P2RX5: variants seen among roughly 807,000 people sequenced by gnomAD.
The protein encoded by P2RX5 is P2X purinoceptor 5.
A neutral mutation model predicts 54.1 loss-of-function variants in P2RX5; 46 were observed. The ratio of observed to expected loss-of-function variants is 0.85; its 90% confidence interval spans 0.67 to 1.09. P2RX5 has a LOEUF of 1.09. P2RX5 is among the 50% of genes least tolerant of loss of function. P2RX5 has a pLI of 0.00. For synonymous variants in P2RX5, 226 were observed against 226.4 expected (o/e 1.00, Z 0.02); for missense variants, 566 against 549.8 (o/e 1.03, Z -0.29).
rs576398257 is a variant in P2RX5, at chr17:3,696,049, G to A, written c.-44C>T. On this transcript the variant is annotated 5_prime_UTR_variant, in exon 1 of 12. Transcript: ENST00000225328. ...CTTGCGGACCGCCCGGCCCACGTGC[G>A]CTCATGGGGAGCACTCGGTCCCTCG... 2 of 1,607,448 alleles carry A rather than the reference G, an allele frequency of 1.2e-6. No individual in the cohort carries two copies. Among genetic ancestry groups the A allele is most frequent in the African/African-American group, 1.3e-5 (1 of 74,798 alleles).
intron 1 of P2RX5, among the ~76,000 whole-genome samples, chr17:3,692,528 A>G (rs2050647021): frequency 6.6e-6 from 1 of 151,996 alleles, no homozygotes; most frequent in Non-Finnish European, 1.5e-5. Flanking sequence ...AACAAACCCA[A>G]ACTGAGGGGC....
upstream of P2RX5, among the ~76,000 whole-genome samples, chr17:3,697,156 C>A (rs1411715169): frequency 5.7e-5 from 1 of 17,512 alleles, no homozygotes; most frequent in East Asian, 1.1e-3. Flanking sequence ...GGGGGGCAGA[C>A]GGGGTGGGGG....
chr17:3,708,930 G>A, the P2RX5 span, among the ~76,000 whole-genome samples: 3 of 151,762 alleles, frequency 2.0e-5, no homozygotes, highest in Admixed American at 1.3e-4. Flanking sequence ...ACTTAGAGAT[G>A]CACAGAATAT....
At chr17:3,719,885 G>A in the P2RX5 span, among the ~76,000 whole-genome samples, 1 of 151,990 alleles carries the variant, frequency 6.6e-6, no homozygotes, top group Non-Finnish European at 1.5e-5. Context: ...CCACCATCAT[G>A]TCCGGCTAAT....
At chr17:3,685,714 CCCCT>C (rs2050439229) in intron 9 of P2RX5, 1 of 43,048 alleles carries the variant, frequency 2.3e-5, no homozygotes, top group Non-Finnish European at 8.5e-5. Context: ...TCCCAACGTC[CCCCT>C]CCCAGCCTGA....
At chr17:3,692,374 C>A (rs2050643732) in intron 1 of P2RX5, among the ~76,000 whole-genome samples, 1 of 152,068 alleles carries the variant, frequency 6.6e-6, no homozygotes, top group South Asian at 2.1e-4. Flanking sequence ...CTCAGAGGCC[C>A]CAAGTGGACA....
At chr17:3,677,586 C>CT in intron 11 of P2RX5, 1 of 985,412 alleles carries the variant, frequency 1.0e-6, no homozygotes, top group Non-Finnish European at 1.2e-6. Context: ...ATTTCGGAAA[C>CT]CCTGCTAGAG....
chr17:3,723,439 C>G, the P2RX5 span: 1 of 1,276,572 alleles, frequency 7.8e-7, no homozygotes, highest in Non-Finnish European at 1.1e-6. Flanking sequence ...AGTCTGAAAT[C>G]TTTTTAACAC....
intron 1 of P2RX5, among the ~76,000 whole-genome samples, chr17:3,695,024 G>A (rs1462355357): frequency 6.6e-6 from 1 of 152,210 alleles, no homozygotes; most frequent in East Asian, 1.9e-4. Flanking sequence ...CAGAGAACGC[G>A]GACTGCTGGA....
At chr17:3,710,907 G>T in the P2RX5 span, among the ~76,000 whole-genome samples, 1 of 152,124 alleles carries the variant, frequency 6.6e-6, no homozygotes, top group Non-Finnish European at 1.5e-5. Context: ...CAGCATGAAC[G>T]AGAGCGAGAC....
At chr17:3,719,234 T>TAAAAAAAAAAA in the P2RX5 span, among the ~76,000 whole-genome samples, 190 of 34,010 alleles carry the variant, frequency 5.6e-3, 5 homozygotes, top group African/African-American at 0.023. Flanking sequence ...AGATTCTTCC[T>TAAAAAAAAAAA]CAAAAAAAAA....
Position 3,694,922 on chromosome 17 carries a change from G to T in P2RX5, c.137+947C>A, listed in dbSNP as rs1337423646. On this transcript the variant is annotated intron_variant, in intron 1 of 11. Coordinates refer to ENST00000225328, the MANE Select transcript of P2RX5 (RefSeq NM_002561.4). ...TGGGGGCTGAGTGGATGCTAAGGGA[G>T]TGGAGGAGGACGGGCAGGCCTGGCT... 2.0e-5 allele frequency among the ~76,000 whole-genome samples: 3 copies of T among 152,204 alleles called. No homozygotes were observed. The East Asian group carries it at 5.8e-4, about 29-fold the overall frequency.
At chr17:3,683,652 C>T (rs892491120) in intron 9 of P2RX5, among the ~76,000 whole-genome samples, 3 of 151,750 alleles carry the variant, frequency 2.0e-5, no homozygotes, top group African/African-American at 7.3e-5. Context: ...ATTGCTTGAG[C>T]CTGGGAGGCA....
At position 3,673,700 on chromosome 17, in the gene P2RX5, C is replaced by T; in HGVS notation, c.*168G>A. 1.3e-6 allele frequency: 2 copies of T among 1,560,618 alleles called. No homozygotes were observed. Among genetic ancestry groups the T allele is most frequent in the Middle Eastern group, 2.3e-4 (1 of 4,308 alleles). ...CCGTCCTGATGACCCCAGCATCAGA[C>T]GTGGAGGTCACTTTGCTCTGTGATG... On this transcript the variant is annotated 3_prime_UTR_variant, in exon 12 of 12. Coordinates refer to ENST00000225328, the MANE Select transcript of P2RX5 (RefSeq NM_002561.4).
chr17:3,706,899 T>C, the P2RX5 span, among the ~76,000 whole-genome samples: 8 of 152,186 alleles, frequency 5.3e-5, no homozygotes, highest in South Asian at 2.1e-4. Flanking sequence ...CGTGCGCCAC[T>C]GCGCCCACCT....
At chr17:3,676,673 G>T (rs780125245) in intron 11 of P2RX5, 9 of 768,574 alleles carry the variant, frequency 1.2e-5, no homozygotes, top group African/African-American at 1.9e-5. Context: ...GATCACCTTG[G>T]AATCTTGTTG....
intron 11 of P2RX5, among the ~76,000 whole-genome samples, 189 bp downstream of exon 11, chr17:3,679,401 G>A (rs539600892): frequency 1.2e-4 from 18 of 152,292 alleles, no homozygotes; most frequent in South Asian, 2.1e-4. Flanking sequence ...GGAGCTAAGG[G>A]GGACCTTGCG....
the P2RX5 span, among the ~76,000 whole-genome samples, chr17:3,702,202 C>T: frequency 1.3e-5 from 2 of 151,998 alleles, no homozygotes; most frequent in African/African-American, 2.4e-5. Flanking sequence ...ATGCACCAAT[C>T]AGCACTGTGT....
chr17:3,709,390 TAATA>T, the P2RX5 span, among the ~76,000 whole-genome samples: 1 of 152,124 alleles, frequency 6.6e-6, no homozygotes, highest in South Asian at 2.1e-4. Flanking sequence ...TTGCTCCCAC[TAATA>T]AAAAAACAAA....
Sources: gnomAD v4.1 joint callset for allele counts (sites outside exome capture counted in the v4.1 genomes callset) on GRCh38, gnomAD v4.1.1 for gene constraint, MANE v1.5 for transcripts, NCBI Gene and HGNC (gene_info 2026-07-23, HGNC 2026-07-21) for gene names.